DYNC1I1: variants seen among roughly 807,000 people sequenced by gnomAD.
The protein encoded by DYNC1I1 is dynein cytoplasmic 1 intermediate chain 1.
Under a neutral mutation model 86.6 loss-of-function variants are expected in DYNC1I1, and 43 were observed. That is an observed-to-expected ratio of 0.50 (90% CI 0.39 to 0.64). The LOEUF is 0.64. Ranked by LOEUF, DYNC1I1 falls within the 30% of genes least tolerant of loss-of-function variation. The pLI, the probability that DYNC1I1 is intolerant of heterozygous loss-of-function variation, is 0.00. For missense variants in DYNC1I1, 604 were observed against 788.8 expected (o/e 0.77, Z 2.81); for synonymous variants, 262 against 283.7 (o/e 0.92, Z 0.77).
At chr7:95,804,603 C>CTTGTTGTA (rs1794660567) in intron 1 of DYNC1I1, 118 bp from the exon 2 acceptor site, 1 of 1,159,616 alleles carries the variant, frequency 8.6e-7, no homozygotes, top group Admixed American at 2.9e-5. Context: ...AATACAACCT[C>CTTGTTGTA]TTGTTGATCA....
intron 5 of DYNC1I1, among the ~76,000 whole-genome samples, chr7:95,859,082 AT>A (rs1789805832): frequency 6.7e-6 from 1 of 150,148 alleles, no homozygotes; most frequent in African/African-American, 2.4e-5. Flanking sequence ...TGCTTGATCA[AT>A]TCTGCTGTTG....
Position 95,803,666 on chromosome 7 carries a change from A to T in DYNC1I1, c.-9-1055A>T, listed in dbSNP as rs576724115. On this transcript the variant is annotated intron_variant, in intron 1 of 16. Transcript: ENST00000447467. ...TTTTCCTTCCATTGCTCTGTCATCT[A>T]CTTCAAGATACATTATATATTTATC... Among the ~76,000 whole-genome samples the T allele has an allele frequency of 2.6e-5, 4 of 152,286 alleles. No homozygotes were observed. In the South Asian group the frequency reaches 8.3e-4, roughly 32 times the overall value.
intron 1 of DYNC1I1, among the ~76,000 whole-genome samples, chr7:95,781,203 A>G (rs1793985226): frequency 6.6e-6 from 1 of 152,204 alleles, no homozygotes; most frequent in Non-Finnish European, 1.5e-5. Flanking sequence ...CCACCCAGGG[A>G]CACTGTAAAA....
chr7:95,884,318 G>C (rs1181890699), intron 6 of DYNC1I1, among the ~76,000 whole-genome samples: 1 of 152,128 alleles, frequency 6.6e-6, no homozygotes, highest in Admixed American at 6.6e-5. Context: ...TAACGGGTAA[G>C]AGAGATGAGC....
rs138419637 is a variant in DYNC1I1 at position 95,865,359 on chromosome 7, A to G, written c.375-4524A>G. On this transcript the variant is annotated intron_variant, in intron 5 of 16. Coordinates refer to ENST00000447467, the MANE Select transcript of DYNC1I1 (RefSeq NM_001135556.2). Reference sequence around the variant, plus strand: ...AATGATGCCGTGTCAACCAGGACATACATAATTTGAGTCTCAATTTATATT... The same window carrying G: ...AATGATGCCGTGTCAACCAGGACATGCATAATTTGAGTCTCAATTTATATT... Among the ~76,000 whole-genome samples the G allele has an allele frequency of 3.8e-3, 576 of 152,284 alleles. 4 individuals are homozygous for G. The highest frequency in any genetic ancestry group is 0.013 in the African/African-American group (548 of 41,550).
chr7:95,785,345 C>T (rs933141038), intron 1 of DYNC1I1, among the ~76,000 whole-genome samples: 6 of 152,050 alleles, frequency 3.9e-5, no homozygotes, highest in African/African-American at 1.4e-4. Context: ...GTCTGGAAGG[C>T]GGAGGTTGCA....
intron 1 of DYNC1I1, among the ~76,000 whole-genome samples, chr7:95,774,421 G>T (rs1793789833): frequency 6.6e-6 from 1 of 152,110 alleles, no homozygotes; most frequent in South Asian, 2.1e-4. Context: ...CCCACCCCCA[G>T]CCTTTCCTCC....
intron 5 of DYNC1I1, among the ~76,000 whole-genome samples, chr7:95,860,235 G>A (rs1789840984): frequency 6.6e-6 from 1 of 152,012 alleles, no homozygotes; most frequent in South Asian, 2.1e-4. Flanking sequence ...TAATGATCTG[G>A]CATAGTGCTT....
intron 1 of DYNC1I1, among the ~76,000 whole-genome samples, chr7:95,781,391 T>C (rs1346599317): frequency 6.6e-6 from 1 of 152,222 alleles, no homozygotes; most frequent in Non-Finnish European, 1.5e-5. Flanking sequence ...GAGTATCCCT[T>C]GTTTTTAAAA....
intron 1 of DYNC1I1, among the ~76,000 whole-genome samples, chr7:95,777,623 C>T (rs73708575): frequency 0.019 from 2,938 of 152,232 alleles, 82 homozygotes; most frequent in African/African-American, 0.065. Context: ...TTGCTATGAT[C>T]GCATAGAACA....
At chr7:95,976,412 T>A (rs1057150668) in intron 6 of DYNC1I1, among the ~76,000 whole-genome samples, 2 of 152,224 alleles carry the variant, frequency 1.3e-5, no homozygotes, top group African/African-American at 4.8e-5. Flanking sequence ...TTTTGTAAGT[T>A]ACTTATTTAT....
At chr7:95,945,088 A>G (rs956761379) in intron 6 of DYNC1I1, among the ~76,000 whole-genome samples, 5 of 151,602 alleles carry the variant, frequency 3.3e-5, no homozygotes, top group African/African-American at 7.3e-5. Flanking sequence ...AAATAAAATA[A>G]AAAACCATTT....
At chr7:96,070,191 C>A (rs968854861) in intron 14 of DYNC1I1, among the ~76,000 whole-genome samples, 1 of 152,102 alleles carries the variant, frequency 6.6e-6, no homozygotes, top group Non-Finnish European at 1.5e-5. Context: ...TAAAGTTTCC[C>A]AGTGATAGTA....
chr7:95,863,324 G>T (rs1384872029), intron 5 of DYNC1I1, among the ~76,000 whole-genome samples: 1 of 152,042 alleles, frequency 6.6e-6, no homozygotes, highest in African/African-American at 2.4e-5. Context: ...CATATTATTA[G>T]TGGTTGTCAA....
intron 6 of DYNC1I1, among the ~76,000 whole-genome samples, chr7:95,896,916 G>A (rs1194475994): frequency 6.6e-6 from 1 of 152,196 alleles, no homozygotes; most frequent in East Asian, 1.9e-4. Context: ...TATGTCAAAT[G>A]TTAGTAAACA....
chr7:96,066,071 C>G (rs184312986), intron 14 of DYNC1I1, among the ~76,000 whole-genome samples: 18 of 152,288 alleles, frequency 1.2e-4, no homozygotes, highest in Admixed American at 7.2e-4. Flanking sequence ...ACATACCCCA[C>G]TTTTCCCCTA....
intron 5 of DYNC1I1, among the ~76,000 whole-genome samples, chr7:95,832,937 G>T (rs1231856726): frequency 6.6e-6 from 1 of 151,902 alleles, no homozygotes; most frequent in Non-Finnish European, 1.5e-5. Flanking sequence ...CACTGTGATG[G>T]TAGTTTATTT....
At chr7:96,049,521 G>T (rs1300298272) in intron 14 of DYNC1I1, among the ~76,000 whole-genome samples, 2 of 151,782 alleles carry the variant, frequency 1.3e-5, no homozygotes, top group East Asian at 3.9e-4. Flanking sequence ...AAACTTATTG[G>T]GTAACTTGGA....
At position 95,850,386 on chromosome 7, in the gene DYNC1I1, C is replaced by A. The variant is rs949174730; in HGVS notation, c.375-19497C>A. On this transcript the variant is annotated intron_variant, in intron 5 of 16. Transcript: ENST00000447467. The stretch of plus-strand genomic sequence containing the variant: ...TATGTGGAGGTGCATTCCTTCTATA[C>A]CTAATTTATTGAGGGTTTTTATCAT... Among the ~76,000 whole-genome samples, 11 of 152,140 alleles carry A rather than the reference C, an allele frequency of 7.2e-5. No homozygotes were observed. In the South Asian group the frequency reaches 2.3e-3, roughly 32 times the overall value.
Sources: gnomAD v4.1 joint callset for allele counts (sites outside exome capture counted in the v4.1 genomes callset) on GRCh38, gnomAD v4.1.1 for gene constraint, MANE v1.5 for transcripts, NCBI Gene and HGNC (gene_info 2026-07-23, HGNC 2026-07-21) for gene names.